EMID1: variants seen among roughly 807,000 people sequenced by gnomAD.
The protein encoded by EMID1 is EMI domain-containing protein 1.
Under a neutral mutation model 60.6 loss-of-function variants are expected in EMID1, and 40 were observed. That is an observed-to-expected ratio of 0.66 (90% CI 0.51 to 0.86). The LOEUF (loss-of-function observed/expected upper bound fraction) is 0.86. Ranked by LOEUF, EMID1 falls within the 40% of genes least tolerant of loss-of-function variation. The pLI is 0.00. For synonymous variants in EMID1, 242 were observed against 231.0 expected (o/e 1.05, Z -0.43); for missense variants, 585 against 597.1 (o/e 0.98, Z 0.21).
chr22:29,207,241 T>G (rs188672345), intron 1 of EMID1, among the ~76,000 whole-genome samples: 1 of 152,324 alleles, frequency 6.6e-6, no homozygotes, highest in Non-Finnish European at 1.5e-5. Context: ...AGAAGAGCAG[T>G]TGTCTGAGAC....
Position 29,258,945 on chromosome 22 carries a change from G to T in EMID1, c.*1G>T, listed in dbSNP as rs897020421. On this transcript the variant is annotated 3_prime_UTR_variant, in exon 15 of 15. Coordinates refer to ENST00000334018, the MANE Select transcript of EMID1 (RefSeq NM_133455.4). ...CAGGAGCCGGGACGAGAGAGGCTGA[G>T]GGTGGTGGCGGCCCCTGAGGCAGAC... is the stretch of plus-strand genomic sequence containing the variant. The T allele has an allele frequency of 1.9e-6, 3 of 1,611,384 alleles. No individual in the cohort carries two copies. The highest frequency in any genetic ancestry group is 2.5e-6 in the Non-Finnish European group (3 of 1,178,898).
chr22:29,228,201 C>T (rs1418688397), intron 5 of EMID1, among the ~76,000 whole-genome samples: 10 of 150,614 alleles, frequency 6.6e-5, no homozygotes. Context: ...GTGGCAGGTA[C>T]CTGTAATCCC....
At position 29,232,341 on chromosome 22, in the gene EMID1, TCCTGGCCCC is replaced by T. The variant is rs772441794; in HGVS notation, c.768_776del (p.Gly259_Pro261del). The T allele has an allele frequency of 7.5e-6, 12 of 1,608,220 alleles. No individual in the cohort carries two copies. Among genetic ancestry groups the T allele is most frequent in the East Asian group, 2.2e-5 (1 of 44,820 alleles). The stretch of plus-strand genomic sequence containing the variant: ...GGGGACCTCCTGGGCCACCAGGGCC[TCCTGGCCCC>T]CCTGGGCCCCCAGCCCCTGTTGGGC... On this transcript the variant is annotated inframe_deletion, in exon 8 of 15. Coordinates refer to ENST00000334018, the MANE Select transcript of EMID1 (RefSeq NM_133455.4).
intron 13 of EMID1, among the ~76,000 whole-genome samples, chr22:29,252,265 C>A (rs1161628800): frequency 6.6e-6 from 1 of 152,228 alleles, no homozygotes; most frequent in African/African-American, 2.4e-5. Context: ...AGCTGGATCA[C>A]AAGGGTCAGC....
At chr22:29,229,958 C>T (rs2040667867) in intron 5 of EMID1, among the ~76,000 whole-genome samples, 1 of 152,214 alleles carries the variant, frequency 6.6e-6, no homozygotes, top group Non-Finnish European at 1.5e-5. Context: ...CCAGAGTCTT[C>T]CTCACCATGG....
At chr22:29,210,438 G>A (rs1191181231) in intron 1 of EMID1, among the ~76,000 whole-genome samples, 1 of 151,956 alleles carries the variant, frequency 6.6e-6, no homozygotes, top group Non-Finnish European at 1.5e-5. Flanking sequence ...GTTTCTCCAT[G>A]TTGGTCAGGC....
intron 12 of EMID1, among the ~76,000 whole-genome samples, chr22:29,241,058 T>C (rs923111975): frequency 2.0e-5 from 3 of 152,158 alleles, no homozygotes; most frequent in Non-Finnish European, 2.9e-5. Flanking sequence ...TGTGAGGGCC[T>C]TGTAGAGCTC....
intron 1 of EMID1, among the ~76,000 whole-genome samples, chr22:29,207,488 T>G (rs2039716213): frequency 6.6e-6 from 1 of 151,856 alleles, no homozygotes; most frequent in South Asian, 2.1e-4. Context: ...GGACAGAGAC[T>G]ATGAACTCAG....
chr22:29,233,967 A>T (rs2040846892), intron 10 of EMID1, 170 bp from the exon 11 acceptor site: 1 of 739,954 alleles, frequency 1.4e-6, no homozygotes, highest in Non-Finnish European at 2.2e-6. Context: ...CTCCAGGATC[A>T]GATCTTTTAA....
chr22:29,232,553 TCCTGTGGTTA>T, intron 8 of EMID1, 151 bp downstream of exon 8: 1 of 895,424 alleles, frequency 1.1e-6, no homozygotes, highest in Non-Finnish European at 1.6e-6. Flanking sequence ...GCCGTTGTCC[TCCTGTGGTTA>T]CAGGTGAGGA....
chr22:29,224,926 C>T (rs545219414), intron 3 of EMID1, among the ~76,000 whole-genome samples: 30 of 152,200 alleles, frequency 2.0e-4, no homozygotes, highest in Non-Finnish European at 3.4e-4. Context: ...CATTGCCAGC[C>T]CCTCTTTCCA....
At chr22:29,215,416 G>T in intron 2 of EMID1, 111 bp from the exon 3 acceptor site, 1 of 1,296,310 alleles carries the variant, frequency 7.7e-7, no homozygotes. Flanking sequence ...AAGGGACCTG[G>T]AGGCAGCAGA....
chr22:29,228,613 T>C (rs2040615602), intron 5 of EMID1, among the ~76,000 whole-genome samples: 3 of 152,222 alleles, frequency 2.0e-5, no homozygotes, highest in African/African-American at 7.2e-5. Flanking sequence ...AACAGGGTCT[T>C]GCTCTGTCAC....
At chr22:29,226,120 T>C (rs2040499144) in intron 4 of EMID1, among the ~76,000 whole-genome samples, 1 of 152,112 alleles carries the variant, frequency 6.6e-6, no homozygotes, top group South Asian at 2.1e-4. Flanking sequence ...CTCTAAACTC[T>C]TAGCCCATGA....
In EMID1 at chr22:29,233,681, T is replaced by A; in HGVS notation, c.966+15T>A. ...CTGGTCACATAGTGAGTAGTTCTCC[T>A]TGTACTCTCACCCATGTGTCTGTCC... On this transcript the variant is annotated intron_variant, in intron 10 of 14. Transcript: ENST00000334018. 6.2e-7 allele frequency: 1 copy of A among 1,611,958 alleles called. No homozygotes were observed.
intron 12 of EMID1, among the ~76,000 whole-genome samples, chr22:29,237,975 A>G (rs754476058): frequency 3.5e-5 from 5 of 144,352 alleles, no homozygotes; most frequent in Non-Finnish European, 7.5e-5. Flanking sequence ...TGTTTCCTAC[A>G]AGGCAGATCT....
chr22:29,231,476 A>G, intron 6 of EMID1, 117 bp from the exon 7 acceptor site: 1 of 1,091,222 alleles, frequency 9.2e-7, no homozygotes, highest in Non-Finnish European at 1.4e-6. Context: ...GGAGCCATAG[A>G]GAGTGTGAGG....
intron 5 of EMID1, among the ~76,000 whole-genome samples, chr22:29,227,090 TTTTTG>T (rs1173454525): frequency 6.6e-6 from 1 of 152,138 alleles, no homozygotes; most frequent in Non-Finnish European, 1.5e-5. Flanking sequence ...TGTTGTGTAT[TTTTTG>T]TTTTGTTTTG....
chr22:29,243,002 C>T (rs575019851), intron 12 of EMID1, among the ~76,000 whole-genome samples: 14 of 152,292 alleles, frequency 9.2e-5, no homozygotes, highest in African/African-American at 2.9e-4. Context: ...ACCATCCAAG[C>T]GTCAGAAAGG....
Sources: allele counts gnomAD v4.1 joint callset (sites outside exome capture counted in the v4.1 genomes callset), GRCh38; gene constraint gnomAD v4.1.1; transcripts MANE v1.5; gene names NCBI Gene and HGNC (gene_info 2026-07-23, HGNC 2026-07-21).